The following PLCL2 variants were observed in gnomAD, a reference collection of about 807,000 sequenced individuals.
PLCL2 encodes phospholipase C like 2, also known as inactive phospholipase C-like protein 2.
PLCL2 carries 4 observed loss-of-function variants against 79.6 expected under a neutral mutation model. The observed-to-expected ratio is 0.05, with a 90% CI of 0.02 to 0.11. PLCL2 has a LOEUF of 0.11. PLCL2 is among the 10% of genes least tolerant of loss of function. PLCL2 has a pLI of 1.00. For missense variants in PLCL2, 895 were observed against 1,291.0 expected (o/e 0.69, Z 4.70); for synonymous variants, 484 against 457.7 (o/e 1.06, Z -0.73).
intron 1 of PLCL2, among the ~76,000 whole-genome samples, chr3:17,007,420 T>A (rs1273315732): frequency 6.6e-6 from 1 of 152,246 alleles, no homozygotes; most frequent in Non-Finnish European, 1.5e-5. Flanking sequence ...CAATCTATGC[T>A]TTAGGGATTT....
intron 1 of PLCL2, among the ~76,000 whole-genome samples, chr3:16,942,756 A>G (rs1440288422): frequency 2.0e-5 from 3 of 152,212 alleles, no homozygotes; most frequent in Admixed American, 6.5e-5. Flanking sequence ...CCTTAAAAGC[A>G]AAGAATAAAA....
chr3:16,925,099 A>G (rs566391367), intron 1 of PLCL2, among the ~76,000 whole-genome samples: 1 of 151,502 alleles, frequency 6.6e-6, no homozygotes, highest in South Asian at 2.1e-4. Context: ...AATTTTTTGT[A>G]TTTTTAGTAG....
intron 1 of PLCL2, among the ~76,000 whole-genome samples, chr3:16,966,945 C>G (rs1454074220): frequency 6.6e-6 from 1 of 151,894 alleles, no homozygotes; most frequent in African/African-American, 2.4e-5. Flanking sequence ...TGAATTAGGC[C>G]CTGGTGCCTG....
At chr3:16,949,166 C>T (rs2063627695) in intron 1 of PLCL2, among the ~76,000 whole-genome samples, 1 of 151,958 alleles carries the variant, frequency 6.6e-6, no homozygotes, top group Admixed American at 6.6e-5. Context: ...TCCTTGTGAA[C>T]ATGTATGTGC....
chr3:16,978,932 C>A lies in PLCL2; in HGVS notation c.328-30742C>A, dbSNP rs58750701. On this transcript the variant is annotated intron_variant, in intron 1 of 5. Coordinates refer to ENST00000615277, the MANE Select transcript of PLCL2 (RefSeq NM_001144382.2). ...CTTCTTTTAGAATCTTTGGTGGATA[C>A]GGAGATACTTGCCCAAAGAGAATAA... Among the ~76,000 whole-genome samples the A allele has an allele frequency of 3.9e-5, 6 of 152,172 alleles. No homozygotes were observed. The East Asian group carries it at 1.2e-3, about 29-fold the overall frequency.
rs1367950530 is a variant in PLCL2, at chr3:17,042,916, G to A, written c.3061G>A (p.Val1021Ile). The change falls in exon 4 of 6, where the codon GTA becomes ATA. Residue 1021 changes from valine (V) to isoleucine (I), a missense_variant. By Grantham distance (29) the Val-to-Ile change is conservative. Coordinates refer to ENST00000615277, the MANE Select transcript of PLCL2 (RefSeq NM_001144382.2). ...LKALIENADAVYEKIVHCQKA... is the reference protein window; with the variant it reads ...LKALIENADAIYEKIVHCQKA... ...GGCGTTGATTGAAAATGCAGATGCT[G>A]TATATGAAAAGATCGTACATTGTCA... 1.2e-6 allele frequency: 2 copies of A among 1,612,492 alleles called. No individual in the cohort carries two copies. The highest frequency in any genetic ancestry group is 2.2e-5 in the East Asian group (1 of 44,860).
At chr3:17,034,341 A>G (rs965517343) in intron 3 of PLCL2, among the ~76,000 whole-genome samples, 3 of 152,322 alleles carry the variant, frequency 2.0e-5, no homozygotes, top group South Asian at 2.1e-4. Flanking sequence ...GCCACCTTTG[A>G]TAAGTGGATT....
chr3:16,976,220 CTG>C (rs980565521), intron 1 of PLCL2, among the ~76,000 whole-genome samples: 8 of 152,036 alleles, frequency 5.3e-5, no homozygotes, highest in African/African-American at 1.7e-4. Context: ...GTGTGTGTGT[CTG>C]TGTATGTGTG....
intron 4 of PLCL2, among the ~76,000 whole-genome samples, chr3:17,061,276 T>C (rs1035063965): frequency 2.6e-5 from 4 of 152,232 alleles, no homozygotes; most frequent in Non-Finnish European, 5.9e-5. Flanking sequence ...CTTTTTGATA[T>C]CTTTTTATTG....
intron 1 of PLCL2, among the ~76,000 whole-genome samples, chr3:16,922,713 TAATAAA>T (rs1213827716): frequency 2.6e-5 from 4 of 151,828 alleles, no homozygotes; most frequent in African/African-American, 9.7e-5. Context: ...TAGCCCATAG[TAATAAA>T]AATAAAAATA....
Position 17,090,121 on chromosome 3 carries a change from C to T in PLCL2, c.*209C>T, listed in dbSNP as rs904204745. On this transcript the variant is annotated 3_prime_UTR_variant, in exon 6 of 6. Coordinates refer to ENST00000615277, the MANE Select transcript of PLCL2 (RefSeq NM_001144382.2). ...AACTCTTTAACAGGCAATTATATTGCTGGCCAAAATATGCTATATTTGTAT... is the reference window on the plus strand; with the variant it reads ...AACTCTTTAACAGGCAATTATATTGTTGGCCAAAATATGCTATATTTGTAT... 11 of 1,273,552 alleles carry T rather than the reference C, an allele frequency of 8.6e-6. No homozygotes were observed. The highest frequency in any genetic ancestry group is 2.9e-5 in the South Asian group (1 of 35,008). 78.9% of individuals were successfully genotyped at this position (1,273,552 alleles called of 1,614,324 possible). A position where few individuals can be genotyped will look rare whatever the true frequency, so the allele number is the denominator to read the frequency against.
intron 1 of PLCL2, among the ~76,000 whole-genome samples, chr3:16,892,039 CTTGTGAAAAGTAT>C (rs1696363951): frequency 6.6e-6 from 1 of 152,144 alleles, no homozygotes; most frequent in African/African-American, 2.4e-5. Context: ...AGTTTAATGT[CTTGTGAAAAGTAT>C]TTGTTTAAGT....
chr3:17,036,839 A>G (rs2124915100), intron 3 of PLCL2, among the ~76,000 whole-genome samples: 1 of 152,352 alleles, frequency 6.6e-6, no homozygotes, highest in Admixed American at 6.5e-5. Flanking sequence ...AAGGCTCAGT[A>G]TCTGGTGAAG....
chr3:16,964,414 C>G (rs1181333151), intron 1 of PLCL2, among the ~76,000 whole-genome samples: 1 of 152,166 alleles, frequency 6.6e-6, no homozygotes, highest in East Asian at 1.9e-4. Context: ...TTAATCCAGT[C>G]TATCATTGAT....
intron 4 of PLCL2, among the ~76,000 whole-genome samples, chr3:17,045,684 C>G (rs1417141831): frequency 2.6e-5 from 4 of 152,018 alleles, no homozygotes; most frequent in African/African-American, 9.7e-5. Flanking sequence ...ATAATAAAAC[C>G]ATGTTGCTAG....
intron 1 of PLCL2, among the ~76,000 whole-genome samples, chr3:16,960,697 A>G (rs925343982): frequency 6.6e-6 from 1 of 152,140 alleles, no homozygotes; most frequent in Non-Finnish European, 1.5e-5. Context: ...GTAATTGAGT[A>G]TTTTTCATTT....
At chr3:17,039,938 A>T (rs2064702264) in intron 3 of PLCL2, among the ~76,000 whole-genome samples, 1 of 152,186 alleles carries the variant, frequency 6.6e-6, no homozygotes, top group African/African-American at 2.4e-5. Flanking sequence ...GTGGCTGTCA[A>T]CATGGATACC....
intron 1 of PLCL2, among the ~76,000 whole-genome samples, chr3:16,962,743 AAG>A (rs2063766689): frequency 1.3e-5 from 2 of 152,174 alleles, no homozygotes; most frequent in Non-Finnish European, 2.9e-5. Context: ...CTAAACCAAA[AAG>A]AAAAATTAAC....
chr3:16,970,050 A>G (rs943783204), intron 1 of PLCL2, among the ~76,000 whole-genome samples: 1 of 138,396 alleles, frequency 7.2e-6, no homozygotes, highest in African/African-American at 2.6e-5. Flanking sequence ...ATATATATAT[A>G]TATATATATT....
Sources: allele counts gnomAD v4.1 joint callset (sites outside exome capture counted in the v4.1 genomes callset), GRCh38; gene constraint gnomAD v4.1.1; transcripts MANE v1.5; gene names NCBI Gene and HGNC (gene_info 2026-07-23, HGNC 2026-07-21).